MSL2: variants seen among roughly 807,000 people sequenced by gnomAD.
MSL2 encodes E3 ubiquitin-protein ligase MSL2.
Under a neutral mutation model 35.8 loss-of-function variants are expected in MSL2, and 2 were observed. The ratio of observed to expected loss-of-function variants is 0.06; its 90% CI spans 0.02 to 0.18. The LOEUF (loss-of-function observed/expected upper bound fraction) is 0.18, where lower values mean the gene tolerates loss of function less well. Among genes scored for constraint, MSL2 ranks in the 10% least tolerant of loss-of-function variants. The probability of loss-of-function intolerance (pLI) is 1.00; values close to 1 mark genes in which losing one functional copy is unlikely to be tolerated. For missense variants in MSL2, 523 were observed against 706.7 expected (o/e 0.74, Z 2.95); for synonymous variants, 296 against 255.7 (o/e 1.16, Z -1.50).
chr3:136,185,952 A>C (rs1940509913), intron 1 of MSL2, among the ~76,000 whole-genome samples: 2 of 152,180 alleles, frequency 1.3e-5, no homozygotes, highest in African/African-American at 4.8e-5. Context: ...GGAAAATGGA[A>C]GCCAAAAAAA....
Position 136,152,342 on chromosome 3 carries a change from C to T in MSL2, c.539G>A (p.Ser180Asn), listed in dbSNP as rs766934166. Residue 180 changes from serine (S) to asparagine (N), a missense_variant, in exon 2 of 2, where the codon AGC becomes AAC. Ser to Asn is a conservative substitution (Grantham distance 46). Coordinates refer to ENST00000309993, the MANE Select transcript of MSL2 (RefSeq NM_018133.4). ...ACTGCCAATAGCAATGCTGAGGGTG[C>T]TTTCAGACATTGGAGATAAACTAGC... The part of the protein sequence containing the change: ...PQASLSPMSE[S>N]TLSIAIGSSV... 1 of 1,614,166 alleles carries T rather than the reference C, an allele frequency of 6.2e-7. No individual in the cohort carries two copies. Among genetic ancestry groups the T allele is most frequent in the Non-Finnish European group, 8.5e-7 (1 of 1,180,016 alleles).
rs1388856959 is a variant in MSL2 at position 136,151,688 on chromosome 3, C to T, written c.1193G>A (p.Ser398Asn). ...VPNGGTTPKISKTVLLSTKSM... is the reference protein window; with the variant it reads ...VPNGGTTPKINKTVLLSTKSM... ...TTTAGTAGATAAAAGTACAGTTTTGCTGATTTTAGGTGTTGTGCCTCCATT... is the reference window on the plus strand; with the variant it reads ...TTTAGTAGATAAAAGTACAGTTTTGTTGATTTTAGGTGTTGTGCCTCCATT... The change falls in exon 2 of 2, where the codon AGC (serine) becomes AAC (asparagine). Residue 398 changes from serine to asparagine, a missense_variant. By Grantham distance (46) the Ser-to-Asn change is conservative. This residue lies in a region of MSL2 where 361 missense variants were observed against 414.6 expected (regional missense o/e 0.87). Transcript: ENST00000309993. The surrounding 1 kb of genome is among the most constrained non-coding windows in gnomAD (Gnocchi z 5.2). The T allele has an allele frequency of 6.2e-7, 1 of 1,613,894 alleles. No individual in the cohort carries two copies. The highest frequency in any genetic ancestry group is 1.3e-5 in the African/African-American group (1 of 74,842).
chr3:136,165,305 G>A (rs953920455), intron 1 of MSL2, among the ~76,000 whole-genome samples: 17 of 150,932 alleles, frequency 1.1e-4, no homozygotes, highest in Admixed American at 2.0e-4. Flanking sequence ...ATAACTAAAC[G>A]AATGATATTT....
chr3:136,179,404 A>T (rs920298591), intron 1 of MSL2, among the ~76,000 whole-genome samples: 1 of 152,100 alleles, frequency 6.6e-6, no homozygotes, highest in African/African-American at 2.4e-5. Flanking sequence ...ACTGGTCTTG[A>T]ACTCCTGGGC....
chr3:136,186,543 C>T (rs1940529850), intron 1 of MSL2, among the ~76,000 whole-genome samples: 1 of 152,128 alleles, frequency 6.6e-6, no homozygotes, highest in African/African-American at 2.4e-5. Context: ...CTGAGCTCTG[C>T]CTGTCAGATC....
chr3:136,191,837 ACT>A (rs899144239), intron 1 of MSL2, among the ~76,000 whole-genome samples: 75 of 152,340 alleles, frequency 4.9e-4, no homozygotes, highest in Non-Finnish European at 3.2e-4. Context: ...AGAGAAACAA[ACT>A]TGAAGAAGAT....
At chr3:136,169,062 A>C (rs1332685199) in intron 1 of MSL2, among the ~76,000 whole-genome samples, 3 of 151,990 alleles carry the variant, frequency 2.0e-5, no homozygotes, top group Admixed American at 2.0e-4. Flanking sequence ...CAATGACAAA[A>C]CATTTTTAAT....
intron 1 of MSL2, among the ~76,000 whole-genome samples, chr3:136,186,919 A>T (rs2108092919): frequency 6.6e-6 from 1 of 152,310 alleles, no homozygotes; most frequent in South Asian, 2.1e-4. Context: ...TCTGCAGATT[A>T]CTTATAACAC....
chr3:136,176,744 G>C (rs901874285), intron 1 of MSL2, among the ~76,000 whole-genome samples: 1 of 152,016 alleles, frequency 6.6e-6, no homozygotes, highest in African/African-American at 2.4e-5. Flanking sequence ...CATGTGATAG[G>C]CCTGCTCCCC....
At chr3:136,178,825 G>A (rs1411682036) in intron 1 of MSL2, among the ~76,000 whole-genome samples, 2 of 151,700 alleles carry the variant, frequency 1.3e-5, no homozygotes, top group African/African-American at 4.8e-5. Context: ...GGCATGAGTC[G>A]CTGCGCCCCG....
intron 1 of MSL2, among the ~76,000 whole-genome samples, chr3:136,177,763 T>C (rs373421049): frequency 6.0e-5 from 9 of 151,094 alleles, no homozygotes; most frequent in African/African-American, 9.7e-5. Context: ...ACGTTCACTA[T>C]AGCACTTTAA....
At position 136,152,832 on chromosome 3, in the gene MSL2, T is replaced by C. The variant is rs111872749; in HGVS notation, c.143-94A>G. On this transcript the variant is annotated intron_variant, in intron 1 of 1. Coordinates refer to ENST00000309993, the MANE Select transcript of MSL2 (RefSeq NM_018133.4). ...AGATGACATAAGTAGTCTATCAAAATTGAGATGAATTAAACTCACTAGACC... is the reference window on the plus strand; with the variant it reads ...AGATGACATAAGTAGTCTATCAAAACTGAGATGAATTAAACTCACTAGACC... The C allele has an allele frequency of 7.7e-3, 11,565 of 1,493,108 alleles. 70 individuals carry two copies. The highest frequency in any genetic ancestry group is 8.9e-3 in the Non-Finnish European group (9,989 of 1,124,130). 92.5% of individuals were successfully genotyped at this position (1,493,108 alleles called of 1,614,324 possible).
chr3:136,167,717 C>A (rs1312996535), intron 1 of MSL2, among the ~76,000 whole-genome samples: 1 of 152,138 alleles, frequency 6.6e-6, no homozygotes, highest in Admixed American at 6.6e-5. Flanking sequence ...GTCCAAGATG[C>A]ATTCTCAGAA....
rs541879700 is a variant in MSL2 at position 136,186,701 on chromosome 3, C to T, written c.142+8271G>A. Among the ~76,000 whole-genome samples, 9 of 152,292 alleles carry T rather than the reference C, an allele frequency of 5.9e-5. No homozygotes were observed. In the East Asian group the frequency reaches 9.6e-4, roughly 16 times the overall value. ...CCAGATGGGACCCTTGTGGAAAACA[C>T]GCTCAGGGCTCCCACTAATCCTACA... On this transcript the variant is annotated intron_variant, in intron 1 of 1. Coordinates refer to ENST00000309993, the MANE Select transcript of MSL2 (RefSeq NM_018133.4).
intron 1 of MSL2, among the ~76,000 whole-genome samples, chr3:136,169,481 C>T (rs1939956544): frequency 1.3e-5 from 2 of 152,068 alleles, no homozygotes; most frequent in Non-Finnish European, 2.9e-5. Context: ...CGCAGTCTCA[C>T]TCTGTCACCT....
At chr3:136,184,022 G>A (rs894811107) in intron 1 of MSL2, among the ~76,000 whole-genome samples, 3 of 152,208 alleles carry the variant, frequency 2.0e-5, no homozygotes, top group Admixed American at 6.5e-5. Context: ...CTGGCCAGGC[G>A]TGGTGGCTCA....
rs911218457 is a variant in MSL2 at position 136,195,050 on chromosome 3, G to A, written c.64C>T (p.Pro22Ser). The A allele has an allele frequency of 1.4e-5, 23 of 1,614,110 alleles. No individual in the cohort carries two copies. Among genetic ancestry groups the A allele is most frequent in the Non-Finnish European group, 1.8e-5 (21 of 1,180,020 alleles). Residue 22 changes from proline to serine, a missense_variant, in exon 1 of 2, where the codon CCC becomes TCC. This residue lies in a region of MSL2 where 45 missense variants were observed against 47.5 expected (regional missense o/e 0.95). Coordinates refer to ENST00000309993, the MANE Select transcript of MSL2 (RefSeq NM_018133.4). The stretch of plus-strand genomic sequence containing the variant: ...TCAGTAAACGCCTTGGGGTCTCCGG[G>A]GTCGTAGTTGAGCACTAGGCGGCTC... ...SASRLVLNYD[P>S]GDPKAFTEIN... is the part of the protein sequence containing the mutation.
intron 1 of MSL2, among the ~76,000 whole-genome samples, chr3:136,166,397 G>T (rs1046940453): frequency 6.6e-6 from 1 of 151,380 alleles, no homozygotes; most frequent in African/African-American, 2.4e-5. Flanking sequence ...CAAAAAAAAA[G>T]TAAGTTTTAA....
At chr3:136,161,408 C>T (rs773958747) in intron 1 of MSL2, among the ~76,000 whole-genome samples, 4 of 152,244 alleles carry the variant, frequency 2.6e-5, no homozygotes, top group South Asian at 2.1e-4. Context: ...CACAGAAAAA[C>T]GTATGTGAAT....
Sources: gnomAD v4.1 joint callset for allele counts (sites outside exome capture counted in the v4.1 genomes callset) on GRCh38, gnomAD v4.1.1 for gene constraint, gnomAD v4.1.1 regional missense constraint, Gnocchi (gnomAD v3.1) non-coding constraint, MANE v1.5 for transcripts, NCBI Gene and HGNC (gene_info 2026-07-23, HGNC 2026-07-21) for gene names.